IGSF1: variants seen among roughly 807,000 people sequenced by gnomAD.
IGSF1 encodes the protein immunoglobulin-like domain-containing protein 1.
IGSF1 carries 40 observed loss-of-function variants against 95.3 expected under a neutral mutation model. That is an observed-to-expected ratio of 0.42 (90% CI 0.33 to 0.55). The LOEUF (loss-of-function observed/expected upper bound fraction) is 0.55. Among genes scored for constraint, IGSF1 ranks in the 20% least tolerant of loss-of-function variants. The pLI is 0.10. For missense variants in IGSF1, 906 were observed against 1,025.4 expected (o/e 0.88, Z 1.59); for synonymous variants, 372 against 382.9 (o/e 0.97, Z 0.33).
Position 131,289,236 on chromosome X carries a change from T to A in IGSF1, c.-90A>T, listed in dbSNP as rs764569723. ...TACGGTAGTTGAAGGCCCGCTCCGA[T>A]GTTGGAGATTCTCCAGTGAGCTCCT... On this transcript the variant is annotated 5_prime_UTR_variant, in exon 1 of 20. Coordinates refer to ENST00000361420, the MANE Select transcript of IGSF1 (RefSeq NM_001555.5). 2.7e-6 allele frequency: 1 copy of A among 373,167 alleles called. No individual in the cohort carries two copies. The highest frequency in any genetic ancestry group is 5.2e-6 in the Non-Finnish European group (1 of 191,713). 30.8% of individuals were successfully genotyped at this position (373,167 alleles called of 1,213,427 possible). A position where few individuals can be genotyped will look rare whatever the true frequency, so the allele number is the denominator to read the frequency against.
chrX:131,278,465 C>T lies in IGSF1; in HGVS notation c.2037G>A (p.Gly679=). Residue 679 remains glycine (G), a synonymous_variant, in exon 12 of 20, where the codon GGG becomes GGA. Transcript: ENST00000361420. ...SEPSEALELV[G]TDILPKPVIS... ...AGACCCTCTACATTTTCTTACCTGT[C>T]CCCACCAGCTCAAGTGCCTCACTGG... is the stretch of plus-strand genomic sequence containing the variant. 1.7e-6 allele frequency: 2 copies of T among 1,195,087 alleles called. No homozygotes were observed. The highest frequency in any genetic ancestry group is 1.8e-5 in the South Asian group (1 of 54,340).
chrX:131,281,801 A>G lies in IGSF1; in HGVS notation c.1390T>C (p.Ser464Pro), dbSNP rs371729575. 4.1e-6 allele frequency: 5 copies of G among 1,209,456 alleles called. No homozygotes were observed. The highest frequency in any genetic ancestry group is 1.8e-5 in the African/African-American group (1 of 56,988). ...CTGATGATGAAGTCTCCGTTTACTG[A>G]GAATTTTTGGAATGTTTCTCTTTCT... is the stretch of plus-strand genomic sequence containing the variant. ...WEERETFQKF[S>P]VNGDFIISNV... The change falls in exon 8 of 20, where the codon TCA becomes CCA. Residue 464 changes from serine (S) to proline (P), a missense_variant. Physicochemically the swap from Ser to Pro is moderately conservative, Grantham distance 74. Around this residue, in one of 5 missense-constraint regions of IGSF1, gnomAD observed 442 missense variants for 448.1 expected, o/e 0.99. Coordinates refer to ENST00000361420, the MANE Select transcript of IGSF1 (RefSeq NM_001555.5).
rs1336298379 is a variant in IGSF1 at position 131,277,866 on chromosome X, A to T, written c.2310T>A (p.Leu770=). The T allele has an allele frequency of 1.7e-6, 2 of 1,206,863 alleles. No individual in the cohort carries two copies. Among genetic ancestry groups the T allele is most frequent in the Non-Finnish European group, 2.2e-6 (2 of 893,503 alleles). Residue 770 remains leucine (L), a synonymous_variant, in exon 13 of 20, where the codon CTT becomes CTA. Transcript: ENST00000361420. ...CCTTTTCAGCTCTACCTTTTATGAC[A>T]AGCTCCAGCGGCTCACTGGGCTCAG... The part of the protein sequence containing the change: ...KWSEPSEPLE[L]VIKEMYPKPF...
In IGSF1 at chrX:131,277,938, G is replaced by C. The variant is rs1415817014; in HGVS notation, c.2238C>G (p.Gly746=). Residue 746 remains glycine (G), a synonymous_variant, in exon 13 of 20, where the codon GGC becomes GGG. Transcript: ENST00000361420. ...CAGTGTGAGTGCGGCAGCTGTAATT[G>C]CCTTCGTCTTTATCCTCCATTCTCT... The part of the protein sequence containing the change: ...TIQRMEDKDE[G]NYSCRTHTEK... 8.3e-7 allele frequency: 1 copy of C among 1,208,520 alleles called. No homozygotes were observed. Among genetic ancestry groups the C allele is most frequent in the South Asian group, 1.8e-5 (1 of 56,720 alleles).
chrX:131,284,153 T>C, intron 5 of IGSF1: 1 of 644,571 alleles, frequency 1.6e-6, no homozygotes, highest in Non-Finnish European at 1.9e-6. Context: ...AATAAAAAGC[T>C]ATACTAACAA....
At chrX:131,280,006 G>A (rs1010649280) in intron 9 of IGSF1, among the ~76,000 whole-genome samples, 3 of 111,845 alleles carry the variant, frequency 2.7e-5, no homozygotes, top group South Asian at 3.8e-4. Flanking sequence ...AAAATCCATC[G>A]GACAATTTTT....
Position 131,285,341 on chromosome X carries a change from C to A in IGSF1, c.505G>T (p.Ala169Ser). 1.7e-6 allele frequency: 2 copies of A among 1,211,542 alleles called. No homozygotes were observed. Among genetic ancestry groups the A allele is most frequent in the Non-Finnish European group, 2.2e-6 (2 of 895,283 alleles). ...GGGACTTGGTAATCCACAGGCTCTG[C>A]ATATCCCTCTTTAAACAGCATGAAT... is the stretch of plus-strand genomic sequence containing the variant. Reference protein sequence around the residue: ...LVFMLFKEGYAEPVDYQVPTG... With the variant: ...LVFMLFKEGYSEPVDYQVPTG... Residue 169 changes from alanine (A) to serine (S), a missense_variant, in exon 5 of 20, where the codon GCA (alanine) becomes TCA (serine). By Grantham distance (99) the Ala-to-Ser change is moderately conservative (BLOSUM62 1). Coordinates refer to ENST00000361420, the MANE Select transcript of IGSF1 (RefSeq NM_001555.5).
intron 7 of IGSF1, among the ~76,000 whole-genome samples, 180 bp from the exon 8 acceptor site, chrX:131,282,124 T>C (rs748965375): frequency 9.0e-6 from 1 of 111,428 alleles, no homozygotes; most frequent in Admixed American, 9.5e-5. Context: ...GATCTAAAGA[T>C]TCCTGGTTCC....
intron 6 of IGSF1, 49 bp from the exon 7 acceptor site, chrX:131,282,786 C>A: frequency 9.2e-7 from 1 of 1,090,309 alleles, no homozygotes; most frequent in South Asian, 2.1e-5. Context: ...ACTTCCTGCT[C>A]CCACTCCTTA....
At position 131,273,765 on chromosome X, in the gene IGSF1, G is replaced by C; in HGVS notation, c.*31C>G. ...ATAGGTCTCTGAGAGCAAGAGAGAG[G>C]AGAGGAAAGCTCTTGTAAAGGAGGA... On this transcript the variant is annotated 3_prime_UTR_variant, in exon 20 of 20. Transcript: ENST00000361420. 8.4e-7 allele frequency: 1 copy of C among 1,187,281 alleles called. No individual in the cohort carries two copies. The highest frequency in any genetic ancestry group is 1.9e-5 in the South Asian group (1 of 53,762).
chrX:131,274,781 A>G lies in IGSF1; in HGVS notation c.3569T>C (p.Val1190Ala). 23 of 1,210,998 alleles carry G rather than the reference A, an allele frequency of 1.9e-5. No individual in the cohort carries two copies. Among genetic ancestry groups the G allele is most frequent in the Non-Finnish European group, 2.6e-5 (23 of 894,942 alleles). Reference sequence around the variant, plus strand: ...TCCATCATGTTCTAGGACAAATTCAACACCTGGCAGGGGTCCTCGGCACTG... The same window carrying G: ...TCCATCATGTTCTAGGACAAATTCAGCACCTGGCAGGGGTCCTCGGCACTG... ...TLQCRGPLPG[V>A]EFVLEHDGEE... Residue 1190 changes from valine (V) to alanine (A), a missense_variant, in exon 18 of 20, where the codon GTT (valine) becomes GCT (alanine). Val to Ala is a moderately conservative substitution (Grantham distance 64). Coordinates refer to ENST00000361420, the MANE Select transcript of IGSF1 (RefSeq NM_001555.5).
intron 1 of IGSF1, among the ~76,000 whole-genome samples, chrX:131,287,034 CAG>C (rs1222711275): frequency 9.1e-5 from 9 of 98,363 alleles, no homozygotes; most frequent in Non-Finnish European, 1.6e-4. Context: ...ATGGGAGGTG[CAG>C]AGTCACCTTT....
intron 8 of IGSF1, 124 bp from the exon 9 acceptor site, chrX:131,281,462 C>A: frequency 1.1e-6 from 1 of 931,216 alleles, no homozygotes. Flanking sequence ...GCAGAAGTGG[C>A]CTTCTTTTTC....
chrX:131,274,828 C>T lies in IGSF1; in HGVS notation c.3522G>A (p.Lys1174=), dbSNP rs763622284. The change falls in exon 18 of 20, where the codon AAG becomes AAA. Residue 1174 remains lysine (K), a synonymous_variant. Coordinates refer to ENST00000361420, the MANE Select transcript of IGSF1 (RefSeq NM_001555.5). The part of the protein sequence containing the change: ...SLSAWPSTMF[K]LGKDITLQCR... ...ACTGAAGGGTGATGTCCTTCCCTAA[C>T]TTGAACATGGTGCTGGGCCAGGCTG... 3.3e-6 allele frequency: 4 copies of T among 1,211,921 alleles called. No individual in the cohort carries two copies. In the South Asian group the frequency reaches 7.0e-5, roughly 21 times the overall value.
Position 131,282,997 on chromosome X carries a change from A to G in IGSF1, c.935T>C (p.Leu312Pro), listed in dbSNP as rs771089863. ...TCTCTTACCAGTCACCCAGATTTTC[A>G]GGACATCACTAAGGAGTGAACCTCT... Reference protein sequence around the residue: ...SYRGSLLSDVLKIWVTDTFPK... With the variant: ...SYRGSLLSDVPKIWVTDTFPK... The change falls in exon 6 of 20, where the codon CTG becomes CCG. Residue 312 changes from leucine (L) to proline (P), a missense_variant. Physicochemically the swap from Leu to Pro is moderately conservative, Grantham distance 98 (BLOSUM62 -3). Transcript: ENST00000361420. 6 of 1,203,475 alleles carry G rather than the reference A, an allele frequency of 5.0e-6. No individual in the cohort carries two copies. In the Admixed American group the frequency reaches 1.3e-4, roughly 26 times the overall value.
In IGSF1 at chrX:131,286,430, C is replaced by T; in HGVS notation, c.97+7G>A. On this transcript the variant is annotated splice_region_variant and intron_variant, in intron 3 of 19. Coordinates refer to ENST00000361420, the MANE Select transcript of IGSF1 (RefSeq NM_001555.5). ...AGGAGGTGCCTGAGAGGGCAGGACTCACTTACCTATTGATGTCATACCCAG... is the reference window on the plus strand; with the variant it reads ...AGGAGGTGCCTGAGAGGGCAGGACTTACTTACCTATTGATGTCATACCCAG... 1 of 1,194,630 alleles carries T rather than the reference C, an allele frequency of 8.4e-7. No homozygotes were observed. Among genetic ancestry groups the T allele is most frequent in the Non-Finnish European group, 1.1e-6 (1 of 879,932 alleles).
chrX:131,281,185 T>C (rs867782142), intron 9 of IGSF1, 33 bp downstream of exon 9: 1 of 1,204,771 alleles, frequency 8.3e-7, no homozygotes, highest in African/African-American at 1.8e-5. Flanking sequence ...CTCTGTTAGG[T>C]TGGGGAACAG....
chrX:131,275,093 A>T lies in IGSF1; in HGVS notation c.3378T>A (p.Gly1126=). The change falls in exon 17 of 20, where the codon GGT becomes GGA. Residue 1126 remains glycine, a synonymous_variant. Transcript: ENST00000361420. ...RADFWMPAVR[G]EDSGIYSCVY... ...CACAGCTATAGATCCCAGAGTCTTC[A>T]CCTCTCACTGCTGGCATCCAGAAGT... 8.3e-6 allele frequency: 10 copies of T among 1,210,739 alleles called. No homozygotes were observed. Among genetic ancestry groups the T allele is most frequent in the Non-Finnish European group, 1.1e-5 (10 of 894,698 alleles).
At position 131,282,750 on chromosome X, in the gene IGSF1, C is replaced by G; in HGVS notation, c.953-13G>C. ...TTGGGGAAAGTGTCTAGGATGAGAC[C>G]CAGAATAAAAAGCACTAGTGATTTC... On this transcript the variant is annotated splice_polypyrimidine_tract_variant and intron_variant, in intron 6 of 19. Coordinates refer to ENST00000361420, the MANE Select transcript of IGSF1 (RefSeq NM_001555.5). 2 of 1,182,650 alleles carry G rather than the reference C, an allele frequency of 1.7e-6. No individual in the cohort carries two copies. Among genetic ancestry groups the G allele is most frequent in the Non-Finnish European group, 2.3e-6 (2 of 878,125 alleles).
Sources: allele counts gnomAD v4.1 joint callset (sites outside exome capture counted in the v4.1 genomes callset), GRCh38; gene constraint gnomAD v4.1.1; regional missense constraint gnomAD v4.1.1; transcripts MANE v1.5; gene names NCBI Gene and HGNC (gene_info 2026-07-23, HGNC 2026-07-21).